The following CMIP variants were observed in gnomAD, a reference collection of about 807,000 sequenced individuals.
CMIP encodes c-Maf inducing protein.
Under a neutral mutation model 97.3 loss-of-function variants are expected in CMIP, and 13 were observed. The ratio of observed to expected loss-of-function variants is 0.13; its 90% CI spans 0.09 to 0.21. The LOEUF (loss-of-function observed/expected upper bound fraction) is 0.21. Among genes scored for constraint, CMIP ranks in the 10% least tolerant of loss-of-function variants. The pLI is 1.00. For synonymous variants in CMIP, 538 were observed against 436.3 expected (o/e 1.23, Z -2.91); for missense variants, 847 against 1,024.9 (o/e 0.83, Z 2.37).
At chr16:81,459,073 C>CATCACT (rs1567526417) in intron 1 of CMIP, among the ~76,000 whole-genome samples, 17 of 151,852 alleles carry the variant, frequency 1.1e-4, no homozygotes, top group Admixed American at 1.1e-3. Flanking sequence ...TCACCGTCAC[C>CATCACT]GTCACCATCA....
At chr16:81,593,841 C>A (rs117009219) in intron 1 of CMIP, among the ~76,000 whole-genome samples, 1,899 of 152,248 alleles carry the variant, frequency 0.012, 18 homozygotes, top group Middle Eastern at 0.034. Flanking sequence ...ATCAGATGCT[C>A]ACCTGTGCTG....
intron 1 of CMIP, among the ~76,000 whole-genome samples, chr16:81,474,399 C>T (rs1376956323): frequency 6.6e-6 from 1 of 152,036 alleles, no homozygotes; most frequent in Non-Finnish European, 1.5e-5. Flanking sequence ...TCTCTCTTTC[C>T]TTCACTCCCT....
At chr16:81,579,072 A>G (rs1215119429) in intron 1 of CMIP, among the ~76,000 whole-genome samples, 1 of 152,200 alleles carries the variant, frequency 6.6e-6, no homozygotes, top group Non-Finnish European at 1.5e-5. Flanking sequence ...TCGGATTCAG[A>G]TAAGAATTCC....
intron 10 of CMIP, chr16:81,691,544 A>C (rs1376691543): frequency 1.7e-6 from 1 of 583,962 alleles, no homozygotes; most frequent in Non-Finnish European, 3.1e-6. Context: ...TAGACAGCTC[A>C]CCCCCTCGGG....
intron 1 of CMIP, among the ~76,000 whole-genome samples, chr16:81,600,543 C>T (rs772258676): frequency 1.3e-5 from 2 of 152,066 alleles, no homozygotes; most frequent in Non-Finnish European, 2.9e-5. Flanking sequence ...CAGGCAAGTC[C>T]CATTGATAGA....
intron 1 of CMIP, among the ~76,000 whole-genome samples, chr16:81,598,609 AC>A (rs1322228061): frequency 2.0e-5 from 3 of 152,178 alleles, no homozygotes; most frequent in South Asian, 4.1e-4. Context: ...AAGCCTCATT[AC>A]TTTTACTTTA....
chr16:81,622,421 A>G (rs1173177015), intron 3 of CMIP, among the ~76,000 whole-genome samples: 1 of 152,102 alleles, frequency 6.6e-6, no homozygotes, highest in Non-Finnish European at 1.5e-5. Context: ...AGTGTGTCTG[A>G]AGACAGGCGG....
chr16:81,620,392 G>A (rs2091977289), intron 2 of CMIP: 1 of 153,582 alleles, frequency 6.5e-6, no homozygotes, highest in Non-Finnish European at 1.5e-5. Context: ...TTTTCCCTCT[G>A]TGAAATGGGC....
At chr16:81,466,621 C>A (rs1907222998) in intron 1 of CMIP, among the ~76,000 whole-genome samples, 2 of 152,298 alleles carry the variant, frequency 1.3e-5, no homozygotes, top group East Asian at 1.9e-4. Context: ...ACGAACGGGC[C>A]ATGATTGCAT....
chr16:81,477,607 AAG>A (rs1177486108), intron 1 of CMIP, among the ~76,000 whole-genome samples: 1 of 152,250 alleles, frequency 6.6e-6, no homozygotes, highest in African/African-American at 2.4e-5. Context: ...TCCTGCATGT[AAG>A]ACTCCGGGAT....
At position 81,643,424 on chromosome 16, in the gene CMIP, G is replaced by A. The variant is rs150788236; in HGVS notation, c.478-8779G>A. Among the ~76,000 whole-genome samples the A allele has an allele frequency of 4.3e-3, 657 of 152,338 alleles. 3 individuals carry two copies. The highest frequency in any genetic ancestry group is 0.015 in the African/African-American group (627 of 41,564). On this transcript the variant is annotated intron_variant, in intron 3 of 20. Coordinates refer to ENST00000537098, the MANE Select transcript of CMIP (RefSeq NM_198390.3). ...TTAAAAGGGTTTCCTTGGAAGTGATGGAGAAGTGTTGGAAATAGTGGTGGT... is the reference window on the plus strand; with the variant it reads ...TTAAAAGGGTTTCCTTGGAAGTGATAGAGAAGTGTTGGAAATAGTGGTGGT...
rs1024955420 is a variant in CMIP at position 81,573,109 on chromosome 16, C to T, written c.301-34458C>T. On this transcript the variant is annotated intron_variant, in intron 1 of 20. Coordinates refer to ENST00000537098, the MANE Select transcript of CMIP (RefSeq NM_198390.3). ...CTGTAATCCCAGCACTTCGGGAGGC[C>T]GAGGCAGGTGGAACACTTGAGATCA... Among the ~76,000 whole-genome samples the T allele has an allele frequency of 6.6e-5, 10 of 152,286 alleles. No individual in the cohort carries two copies. The East Asian group carries it at 9.6e-4, about 15-fold the overall frequency.
chr16:81,533,237 TTCCCCATGACTGTA>T (rs2090275291), intron 1 of CMIP, among the ~76,000 whole-genome samples: 3 of 152,336 alleles, frequency 2.0e-5, no homozygotes, highest in South Asian at 4.1e-4. Flanking sequence ...TGCCTGTTTT[TTCCCCATGACTGTA>T]TCCCCAGCAT....
chr16:81,503,075 A>C (rs1465906766), intron 1 of CMIP, among the ~76,000 whole-genome samples: 1 of 152,238 alleles, frequency 6.6e-6, no homozygotes, highest in Non-Finnish European at 1.5e-5. Flanking sequence ...GAGCTGCCCT[A>C]GTTCAGCACA....
intron 1 of CMIP, among the ~76,000 whole-genome samples, chr16:81,585,550 T>A (rs1294999489): frequency 1.3e-5 from 2 of 152,210 alleles, no homozygotes; most frequent in Non-Finnish European, 2.9e-5. Context: ...ACATTTCATA[T>A]ACGTGGATCA....
At chr16:81,590,755 C>A (rs531692108) in intron 1 of CMIP, among the ~76,000 whole-genome samples, 5 of 152,192 alleles carry the variant, frequency 3.3e-5, no homozygotes, top group Non-Finnish European at 7.3e-5. Context: ...CACCTACACA[C>A]CCACTGAAAC....
chr16:81,672,558 C>T (rs1444326531), intron 9 of CMIP, among the ~76,000 whole-genome samples: 2 of 152,092 alleles, frequency 1.3e-5, no homozygotes, highest in Non-Finnish European at 2.9e-5. Context: ...GGCTTTTGCC[C>T]ATGATTTGCA....
At chr16:81,535,011 C>T (rs906484376) in intron 1 of CMIP, among the ~76,000 whole-genome samples, 2 of 152,060 alleles carry the variant, frequency 1.3e-5, no homozygotes, top group Admixed American at 6.5e-5. Flanking sequence ...AGTGCAGAGG[C>T]GTGATCTCGG....
At chr16:81,489,800 G>A (rs536111737) in intron 1 of CMIP, among the ~76,000 whole-genome samples, 13 of 152,356 alleles carry the variant, frequency 8.5e-5, no homozygotes, top group African/African-American at 3.1e-4. Flanking sequence ...TTTGGCAAAT[G>A]CCAACTCTGG....
Sources: gnomAD v4.1 joint callset for allele counts (sites outside exome capture counted in the v4.1 genomes callset) on GRCh38, gnomAD v4.1.1 for gene constraint, MANE v1.5 for transcripts, NCBI Gene and HGNC (gene_info 2026-07-23, HGNC 2026-07-21) for gene names.